LALBA: variants seen among roughly 807,000 people sequenced by gnomAD.
LALBA encodes lactalbumin alpha.
A neutral mutation model predicts 13.4 loss-of-function variants in LALBA; 12 were observed. That is an observed-to-expected ratio of 0.89 (90% confidence interval 0.57 to 1.45). The LOEUF is 1.45. Ranked by LOEUF, LALBA falls within the 40% of genes most tolerant of loss-of-function variation. LALBA has a pLI of 0.00. For missense variants in LALBA, 145 were observed against 165.9 expected (o/e 0.87, Z 0.69); for synonymous variants, 64 against 61.0 (o/e 1.05, Z -0.23).
At chr12:48,568,710 G>T in intron 2 of LALBA, 118 bp from the exon 3 acceptor site, 1 of 655,578 alleles carries the variant, frequency 1.5e-6, no homozygotes, top group Non-Finnish European at 2.7e-6. Context: ...TGTGCCTGTT[G>T]TCTTTCTATA....
chr12:48,568,564 G>T lies in LALBA; in HGVS notation c.321C>A (p.Asp107Glu). 1 of 1,598,600 alleles carries T rather than the reference G, an allele frequency of 6.3e-7. No individual in the cohort carries two copies. Among genetic ancestry groups the T allele is most frequent in the Non-Finnish European group, 8.6e-7 (1 of 1,168,208 alleles). The change falls in exon 3 of 4, where the codon GAC (aspartate) becomes GAA (glutamate). Residue 107 changes from aspartate to glutamate, a missense_variant. By Grantham distance (45) the Asp-to-Glu change is conservative. Coordinates refer to ENST00000301046, the MANE Select transcript of LALBA (RefSeq NM_002289.3). ...DKFLDDDITDDIMCAKKILDI... is the reference protein window; with the variant it reads ...DKFLDDDITDEIMCAKKILDI... ...CCAGGATCTTCTTGGCACACATTAT[G>T]TCATCAGTAATGTCATCATCCAGGA...
upstream of LALBA, among the ~76,000 whole-genome samples, chr12:48,571,255 T>C (rs2137135517): frequency 6.6e-6 from 1 of 152,260 alleles, no homozygotes; most frequent in Admixed American, 6.5e-5. Flanking sequence ...TTGAGGATAC[T>C]AGTTCTGAAT....
At chr12:48,570,138 G>C, upstream of LALBA, 1 of 1,121,896 alleles carries the variant, frequency 8.9e-7, no homozygotes, top group African/African-American at 1.6e-5. Context: ...AGAATGAAGA[G>C]AGACTGGTCA....
intron 3 of LALBA, 48 bp downstream of exon 3, chr12:48,568,469 G>A: frequency 2.9e-6 from 3 of 1,050,130 alleles, no homozygotes; most frequent in Non-Finnish European, 4.5e-6. Flanking sequence ...GGGCTAATGG[G>A]GTAAGGAGAA....
At chr12:48,568,406 C>T in intron 3 of LALBA, 111 bp downstream of exon 3, 2 of 725,200 alleles carry the variant, frequency 2.8e-6, no homozygotes, top group South Asian at 3.2e-5. Flanking sequence ...TTGTTTCAGA[C>T]ACTGTATTCT....
chr12:48,570,090 C>G (rs968432901), upstream of LALBA: 6 of 1,555,862 alleles, frequency 3.9e-6, no homozygotes, highest in Admixed American at 8.6e-5. Context: ...ATGCAGAAAG[C>G]CTCAGGGGCT....
At chr12:48,568,998 G>T in intron 2 of LALBA, 84 bp downstream of exon 2, 1 of 1,193,568 alleles carries the variant, frequency 8.4e-7, no homozygotes, top group Non-Finnish European at 1.2e-6. Context: ...AATGAAGCCT[G>T]AGGTCTGCTT....
At chr12:48,570,780 C>T (rs550395858), upstream of LALBA, among the ~76,000 whole-genome samples, 4 of 151,922 alleles carry the variant, frequency 2.6e-5, no homozygotes, top group East Asian at 3.9e-4. Flanking sequence ...CCCAGGAGCT[C>T]GAGACCAGCC....
At chr12:48,569,725 A>C (rs952282339) in intron 1 of LALBA, among the ~76,000 whole-genome samples, 163 bp downstream of exon 1, 2 of 152,216 alleles carry the variant, frequency 1.3e-5, no homozygotes, top group Non-Finnish European at 2.9e-5. Context: ...AAAATAAATA[A>C]ATACATACAT....
chr12:48,570,317 G>C (rs763116009), upstream of LALBA, among the ~76,000 whole-genome samples: 3 of 152,130 alleles, frequency 2.0e-5, no homozygotes, highest in Non-Finnish European at 4.4e-5. Flanking sequence ...GTTTCTTGTA[G>C]GGTTGGTTCT....
In LALBA at chr12:48,568,759, G is replaced by A. The variant is rs542032665; in HGVS notation, c.293-167C>T. Among the ~76,000 whole-genome samples, 8 of 152,266 alleles carry A rather than the reference G, an allele frequency of 5.3e-5. 2 individuals are homozygous for A. The highest frequency in any genetic ancestry group is 1.9e-4 in the African/African-American group (8 of 41,538). ...GTGGTAATGTCTAACCCTGGGTAGG[G>A]ACTTCCTTCATTTCCCTGGGATATC... On this transcript the variant is annotated intron_variant, in intron 2 of 3. Coordinates refer to ENST00000301046, the MANE Select transcript of LALBA (RefSeq NM_002289.3).
At chr12:48,571,733 C>T (rs1219682196), upstream of LALBA, among the ~76,000 whole-genome samples, 1 of 152,110 alleles carries the variant, frequency 6.6e-6, no homozygotes, top group Non-Finnish European at 1.5e-5. Context: ...CTATTTAAGA[C>T]TTACATACTG....
upstream of LALBA, among the ~76,000 whole-genome samples, chr12:48,571,112 A>C (rs1450495075): frequency 6.6e-6 from 1 of 152,216 alleles, no homozygotes; most frequent in Non-Finnish European, 1.5e-5. Flanking sequence ...TCTAAGACCA[A>C]TAACTTGTAG....
chr12:48,569,801 A>G, intron 1 of LALBA, 87 bp downstream of exon 1: 1 of 1,295,776 alleles, frequency 7.7e-7, no homozygotes, highest in Non-Finnish European at 1.1e-6. Flanking sequence ...ATAATTAAGT[A>G]AAAGTGGAGG....
At position 48,567,694 on chromosome 12, in the gene LALBA, G is replaced by T. The variant is rs1049948383; in HGVS notation, c.*263C>A. 8.2e-6 allele frequency: 3 copies of T among 365,098 alleles called. No individual in the cohort carries two copies. The highest frequency in any genetic ancestry group is 2.1e-5 in the African/African-American group (1 of 47,936). 22.6% of individuals were successfully genotyped at this position (365,098 alleles called of 1,614,324 possible). ...AAAAATTACAGCCAGTGACTTCAAA[G>T]TGGGACCTTTATTCAAGACAGAGGT... On this transcript the variant is annotated 3_prime_UTR_variant, in exon 4 of 4. Transcript: ENST00000301046.
rs1378060541 is a variant in LALBA, at chr12:48,568,519, G to C, written c.366C>G (p.Tyr122Ter). Residue 122 changes from tyrosine (Y) to a stop codon, truncating the protein, a stop_gained and splice_region_variant, in exon 3 of 4, where the codon TAC becomes TAG. Coordinates refer to ENST00000301046, the MANE Select transcript of LALBA (RefSeq NM_002289.3). LOFTEE classifies it high-confidence loss of function. ...KKILDIKGIDYWLAHKALCTE... is the reference protein window; with the variant it reads ...KKILDIKGID Reference sequence around the variant, plus strand: ...TAGAAAATAGAATAAGGATTCACCAGTAGTCAATTCCTTTAATATCCAGGA... The same window carrying C: ...TAGAAAATAGAATAAGGATTCACCACTAGTCAATTCCTTTAATATCCAGGA... 2.0e-6 allele frequency: 3 copies of C among 1,529,502 alleles called. No individual in the cohort carries two copies. Among genetic ancestry groups the C allele is most frequent in the Non-Finnish European group, 2.7e-6 (3 of 1,103,910 alleles). 94.7% of individuals were successfully genotyped at this position (1,529,502 alleles called of 1,614,324 possible). A position where few individuals can be genotyped will look rare whatever the true frequency, so the allele number is the denominator to read the frequency against.
rs1254497964 is a variant in LALBA, at chr12:48,569,203, T to A, written c.171A>T (p.Thr57=). The A allele has an allele frequency of 1.2e-6, 2 of 1,613,524 alleles. No individual in the cohort carries two copies. The highest frequency in any genetic ancestry group is 1.7e-6 in the Non-Finnish European group (2 of 1,179,558). Residue 57 remains threonine, a synonymous_variant, in exon 2 of 4, where the codon ACA becomes ACT. Transcript: ENST00000301046. The stretch of plus-strand genomic sequence containing the variant: ...TTTCATTGTTTTCAACTATGGCTTG[T>A]GTGTCATAACCACTGGTGTGAAACA... ...CTMFHTSGYD[T]QAIVENNEST...
chr12:48,568,389 G>A, intron 3 of LALBA, 128 bp downstream of exon 3: 1 of 689,838 alleles, frequency 1.4e-6, no homozygotes, highest in Non-Finnish European at 2.6e-6. Flanking sequence ...GAGTCTCTAG[G>A]TAAGCTTTGT....
chr12:48,570,999 A>AG (rs1172802973), upstream of LALBA, among the ~76,000 whole-genome samples: 93 of 151,696 alleles, frequency 6.1e-4, no homozygotes, highest in Non-Finnish European at 1.1e-3. Context: ...AAAAAAAAAA[A>AG]AAAGAATCTA....
Sources: gnomAD v4.1 joint callset for allele counts (sites outside exome capture counted in the v4.1 genomes callset) on GRCh38, gnomAD v4.1.1 for gene constraint, MANE v1.5 for transcripts, NCBI Gene and HGNC (gene_info 2026-07-23, HGNC 2026-07-21) for gene names.